Variants in PCDH15 observed in about 807,000 individuals in gnomAD.
PCDH15 encodes the protein protocadherin related 15, also known as protocadherin-15.
A neutral mutation model predicts 178.5 loss-of-function variants in PCDH15; 129 were observed. That is an observed-to-expected ratio of 0.72 (90% CI 0.63 to 0.84). PCDH15 has a LOEUF of 0.84. PCDH15 is among the 40% of genes least tolerant of loss of function. The pLI is 0.00. For synonymous variants in PCDH15, 800 were observed against 732.0 expected, an observed-to-expected ratio of 1.09 and a Z score of -1.50; for missense variants, 2,230 against 2,099.9, an observed-to-expected ratio of 1.06 and a Z score of -1.21.
At chr10:54,607,930 A>T (rs1158325457) in intron 2 of PCDH15, 3 of 512,436 alleles carry the variant, frequency 5.9e-6, no homozygotes, top group South Asian at 1.4e-5. Flanking sequence ...AATGTCAAAA[A>T]CTGTGATTAC....
At chr10:55,427,646 A>T (rs540435327) in intron 2 of PCDH15, among the ~76,000 whole-genome samples, 1 of 152,338 alleles carries the variant, frequency 6.6e-6, no homozygotes, top group South Asian at 2.1e-4. Context: ...AAATGTGTTT[A>T]CAAATGGGTT....
chr10:53,827,946 G>A (rs1483310221), intron 31 of PCDH15, among the ~76,000 whole-genome samples: 1 of 151,998 alleles, frequency 6.6e-6, no homozygotes, highest in African/African-American at 2.4e-5. Flanking sequence ...GTCTTTTAAA[G>A]TTATTTGAAA....
chr10:54,012,131 G>A (rs1271012962), intron 20 of PCDH15, among the ~76,000 whole-genome samples: 2 of 152,032 alleles, frequency 1.3e-5, no homozygotes, highest in East Asian at 1.9e-4. Context: ...CACACTACAA[G>A]AGTTTTATAT....
chr10:55,271,434 A>T (rs1308399529), intron 1 of PCDH15, among the ~76,000 whole-genome samples: 1 of 152,034 alleles, frequency 6.6e-6, no homozygotes, highest in African/African-American at 2.4e-5. Context: ...CTCTAATCAG[A>T]TATGTTCTTA....
chr10:54,145,368 A>C (rs1360510979), intron 14 of PCDH15, among the ~76,000 whole-genome samples: 1 of 152,006 alleles, frequency 6.6e-6, no homozygotes, highest in African/African-American at 2.4e-5. Context: ...AAGGTTACAG[A>C]TATTTATATT....
At chr10:53,962,855 T>C (rs1445572522) in intron 21 of PCDH15, among the ~76,000 whole-genome samples, 1 of 152,222 alleles carries the variant, frequency 6.6e-6, no homozygotes, top group African/African-American at 2.4e-5. Context: ...TTTGGAACTA[T>C]GTAGGGTGAC....
intron 3 of PCDH15, among the ~76,000 whole-genome samples, chr10:54,425,491 G>A (rs1044247144): frequency 1.3e-5 from 2 of 152,110 alleles, no homozygotes; most frequent in Non-Finnish European, 2.9e-5. Flanking sequence ...AATAAATTCA[G>A]TTCTGTATAA....
chr10:54,322,077 A>T, intron 7 of PCDH15, among the ~76,000 whole-genome samples: 1 of 152,046 alleles, frequency 6.6e-6, no homozygotes, highest in Non-Finnish European at 1.5e-5. Context: ...CAATTGAGAT[A>T]AAAATCAAAA....
chr10:54,390,513 T>C (rs1262171526), intron 3 of PCDH15, among the ~76,000 whole-genome samples: 2 of 152,150 alleles, frequency 1.3e-5, no homozygotes, highest in Non-Finnish European at 2.9e-5. Flanking sequence ...GCCAGGATGA[T>C]CTCTATCTCC....
intron 2 of PCDH15, among the ~76,000 whole-genome samples, chr10:55,053,119 A>G (rs1464198029): frequency 1.3e-5 from 2 of 152,194 alleles, no homozygotes; most frequent in African/African-American, 2.4e-5. Context: ...TGTGGCTGAC[A>G]AATTTCAAAC....
At chr10:55,296,935 A>G (rs1161198840) in intron 1 of PCDH15, among the ~76,000 whole-genome samples, 1 of 152,114 alleles carries the variant, frequency 6.6e-6, no homozygotes, top group Non-Finnish European at 1.5e-5. Flanking sequence ...CTATTTTGTA[A>G]TTGTATAATT....
intron 1 of PCDH15, among the ~76,000 whole-genome samples, chr10:55,314,515 T>A (rs1479919124): frequency 6.6e-6 from 1 of 151,754 alleles, no homozygotes; most frequent in Non-Finnish European, 1.5e-5. Flanking sequence ...TTTCTTACTA[T>A]CCGACACTGC....
At chr10:54,757,585 C>T (rs1329626838) in intron 1 of PCDH15, among the ~76,000 whole-genome samples, 1 of 152,014 alleles carries the variant, frequency 6.6e-6, no homozygotes, top group East Asian at 1.9e-4. Context: ...CCGGCCAATT[C>T]TACCTTCTTA....
At chr10:55,610,052 A>G (rs1843333271) in intron 2 of PCDH15, among the ~76,000 whole-genome samples, 1 of 152,072 alleles carries the variant, frequency 6.6e-6, no homozygotes, top group Admixed American at 6.6e-5. Context: ...CCAGAGATAT[A>G]TCTTAGGTAA....
rs867268352 is a variant in PCDH15, at chr10:55,389,311, A to C, written c.-155-222660T>G. Among the ~76,000 whole-genome samples the C allele has an allele frequency of 4.6e-5, 7 of 152,000 alleles. No individual in the cohort carries two copies. The East Asian group carries it at 1.3e-3, about 29-fold the overall frequency. On this transcript the variant is annotated intron_variant, in intron 2 of 5. Transcript: ENST00000613346. Reference sequence around the variant, plus strand: ...ATATTCAGCAAAGCAACTCTGTTAGACAAGCCAGTGAACACTACAGTGATT... The same window carrying C: ...ATATTCAGCAAAGCAACTCTGTTAGCCAAGCCAGTGAACACTACAGTGATT...
intron 28 of PCDH15, among the ~76,000 whole-genome samples, chr10:53,849,786 G>A (rs779633516): frequency 4.7e-5 from 7 of 148,564 alleles, no homozygotes; most frequent in Non-Finnish European, 7.4e-5. Context: ...ACATGAACCC[G>A]GGAGACGGAG....
At chr10:54,449,860 G>A (rs1409945137) in intron 3 of PCDH15, among the ~76,000 whole-genome samples, 1 of 151,554 alleles carries the variant, frequency 6.6e-6, no homozygotes, top group East Asian at 1.9e-4. Context: ...GCAGGTCCTG[G>A]AATCCATCCC....
At chr10:54,882,036 C>T (rs7909587) in intron 3 of PCDH15, among the ~76,000 whole-genome samples, 113,419 of 151,984 alleles carry the variant, frequency 0.75, 42,694 homozygotes, top group East Asian at 0.89. Flanking sequence ...CAGAAGAGTG[C>T]CTGGTTCCTA....
intron 3 of PCDH15, among the ~76,000 whole-genome samples, chr10:54,445,089 CAT>C (rs1346050042): frequency 1.3e-5 from 2 of 151,132 alleles, no homozygotes; most frequent in Non-Finnish European, 3.0e-5. Flanking sequence ...TCCATCTTTT[CAT>C]ATGTCATGAG....
Sources: allele counts gnomAD v4.1 joint callset (sites outside exome capture counted in the v4.1 genomes callset), GRCh38; gene constraint gnomAD v4.1.1; transcripts MANE v1.5; gene names NCBI Gene and HGNC (gene_info 2026-07-23, HGNC 2026-07-21).